The following STXBP5L variants were observed in gnomAD, a reference collection of about 807,000 sequenced individuals.
The protein encoded by STXBP5L is syntaxin-binding protein 5-like.
Under a neutral mutation model 144.5 loss-of-function variants are expected in STXBP5L, and 65 were observed. That is an observed-to-expected ratio of 0.45 (90% CI 0.37 to 0.55). STXBP5L has a LOEUF of 0.55. Ranked by LOEUF, STXBP5L falls within the 20% of genes least tolerant of loss-of-function variation. The probability of loss-of-function intolerance (pLI) is 0.00; values close to 1 mark genes in which losing one functional copy is unlikely to be tolerated. For synonymous variants in STXBP5L, 505 were observed against 469.6 expected, an observed-to-expected ratio of 1.08 and a Z score of -0.97; for missense variants, 1,298 against 1,405.5, an observed-to-expected ratio of 0.92 and a Z score of 1.22.
At chr3:121,192,421 C>T (rs961559225) in intron 9 of STXBP5L, among the ~76,000 whole-genome samples, 5 of 152,118 alleles carry the variant, frequency 3.3e-5, no homozygotes, top group East Asian at 3.9e-4. Flanking sequence ...GATTCAATGC[C>T]GTCTCCATCA....
chr3:120,908,796 C>T lies in STXBP5L; in HGVS notation c.-9+462C>T, dbSNP rs1408959772. Among the ~76,000 whole-genome samples, 3 of 141,754 alleles carry T rather than the reference C, an allele frequency of 2.1e-5. No homozygotes were observed. The East Asian group carries it at 6.3e-4, about 30-fold the overall frequency. 93.0% of individuals were successfully genotyped at this position (141,754 alleles called of 152,430 possible). On this transcript the variant is annotated intron_variant, in intron 1 of 26. Transcript: ENST00000471454. ...GGGAGAGCGCGGCGGCGGCTGCGGG[C>T]AGAGGTGGAGGGAGGGGAGCAGGAG...
chr3:120,981,284 CCCT>C (rs1221080994), intron 3 of STXBP5L, among the ~76,000 whole-genome samples: 2 of 152,044 alleles, frequency 1.3e-5, no homozygotes, highest in Non-Finnish European at 2.9e-5. Context: ...CTAAATTATT[CCCT>C]CAATTTTTTT....
chr3:121,283,891 GTGCT>G (rs753112346), intron 19 of STXBP5L, among the ~76,000 whole-genome samples: 5,672 of 131,170 alleles, frequency 0.043, 312 homozygotes, highest in Admixed American at 0.18. Context: ...ATTTGTGTGT[GTGCT>G]TGTGTGTGTG....
chr3:121,015,387 A>G (rs1293761257), intron 3 of STXBP5L, among the ~76,000 whole-genome samples: 1 of 152,192 alleles, frequency 6.6e-6, no homozygotes, highest in Non-Finnish European at 1.5e-5. Context: ...GACCTATTAG[A>G]GAACTGAGAT....
intron 2 of STXBP5L, among the ~76,000 whole-genome samples, chr3:120,925,642 A>G (rs1030099042): frequency 3.9e-5 from 6 of 152,322 alleles, no homozygotes; most frequent in African/African-American, 1.2e-4. Flanking sequence ...TACATTCAAG[A>G]TAATTATTGA....
chr3:121,315,555 G>A (rs1206499133), intron 19 of STXBP5L, among the ~76,000 whole-genome samples: 1 of 151,660 alleles, frequency 6.6e-6, no homozygotes, highest in Non-Finnish European at 1.5e-5. Context: ...AATGGGTGCA[G>A]CATACCAGCA....
At chr3:121,103,456 A>G (rs1351205557) in intron 5 of STXBP5L, among the ~76,000 whole-genome samples, 1 of 152,166 alleles carries the variant, frequency 6.6e-6, no homozygotes, top group Non-Finnish European at 1.5e-5. Flanking sequence ...CAAACAACAC[A>G]TGTTCTCAAG....
At chr3:121,289,265 A>G (rs1175729574) in intron 19 of STXBP5L, among the ~76,000 whole-genome samples, 1 of 152,186 alleles carries the variant, frequency 6.6e-6, no homozygotes, top group Non-Finnish European at 1.5e-5. Flanking sequence ...ATGAAGGGAC[A>G]TTGTTTAAAG....
intron 14 of STXBP5L, among the ~76,000 whole-genome samples, chr3:121,249,438 A>G (rs1408795505): frequency 6.6e-6 from 1 of 152,100 alleles, no homozygotes; most frequent in African/African-American, 2.4e-5. Context: ...GTTAGATTTT[A>G]TCTATTTCTT....
intron 19 of STXBP5L, among the ~76,000 whole-genome samples, chr3:121,291,595 G>A (rs920124070): frequency 4.6e-5 from 7 of 152,130 alleles, no homozygotes; most frequent in Admixed American, 3.3e-4. Flanking sequence ...AGCCCACATT[G>A]TCAAAGCAAG....
chr3:121,326,835 A>G (rs1272423282), intron 20 of STXBP5L, among the ~76,000 whole-genome samples: 1 of 152,136 alleles, frequency 6.6e-6, no homozygotes, highest in Non-Finnish European at 1.5e-5. Context: ...CCCTTTGACC[A>G]TTCTGGACTT....
intron 9 of STXBP5L, among the ~76,000 whole-genome samples, chr3:121,192,363 GA>G (rs1391394976): frequency 6.6e-6 from 1 of 152,110 alleles, no homozygotes; most frequent in Non-Finnish European, 1.5e-5. Flanking sequence ...TCATGGATAG[GA>G]AGAATCAATA....
intron 18 of STXBP5L, among the ~76,000 whole-genome samples, chr3:121,263,224 G>C (rs2050443045): frequency 1.3e-5 from 2 of 152,182 alleles, no homozygotes; most frequent in Admixed American, 1.3e-4. Context: ...CTGCAGCAGA[G>C]GGACCTGACT....
chr3:121,320,578 A>T (rs533571921), intron 20 of STXBP5L, among the ~76,000 whole-genome samples: 1 of 152,006 alleles, frequency 6.6e-6, no homozygotes, highest in South Asian at 2.1e-4. Flanking sequence ...CTCATAATTA[A>T]TTATTATAAT....
chr3:121,365,106 T>C (rs1295186287), intron 20 of STXBP5L, among the ~76,000 whole-genome samples: 1 of 151,938 alleles, frequency 6.6e-6, no homozygotes, highest in Non-Finnish European at 1.5e-5. Context: ...TCCAGAAATA[T>C]ATTCCACTTG....
Position 121,367,595 on chromosome 3 carries a change from GTTTTTTTTTTTTTTT to G in STXBP5L, c.2177-11108_2177-11094del, listed in dbSNP as rs57288480. Among the ~76,000 whole-genome samples the G allele has an allele frequency of 8.3e-3, 427 of 51,376 alleles. 7 individuals carry two copies. The highest frequency in any genetic ancestry group is 0.032 in the African/African-American group (405 of 12,816). 33.7% of individuals were successfully genotyped at this position (51,376 alleles called of 152,430 possible). The stretch of plus-strand genomic sequence containing the variant: ...GGTTCTCTCTTTGTCTTCGACTCTT[GTTTTTTTTTTTTTTT>G]TTTTTTTTTTTTAAACAGGTTCTCA... On this transcript the variant is annotated intron_variant, in intron 20 of 26. Transcript: ENST00000471454.
intron 19 of STXBP5L, among the ~76,000 whole-genome samples, chr3:121,304,182 G>T (rs1405595623): frequency 6.6e-6 from 1 of 152,100 alleles, no homozygotes; most frequent in Non-Finnish European, 1.5e-5. Flanking sequence ...TGACCAGAAT[G>T]ATATAAAAAT....
At chr3:121,157,998 ATACTACTT>A (rs757162410) in intron 9 of STXBP5L, 158 of 168,364 alleles carry the variant, frequency 9.4e-4, no homozygotes, top group Non-Finnish European at 1.6e-3. Context: ...GTTAATTCCT[ATACTACTT>A]TATAGTCTGT....
chr3:120,976,623 T>G (rs569996355), intron 3 of STXBP5L, among the ~76,000 whole-genome samples: 18 of 152,244 alleles, frequency 1.2e-4, no homozygotes, highest in Admixed American at 4.6e-4. Context: ...TCTAGTTCTT[T>G]TAATTGTGAT....
Sources: allele counts gnomAD v4.1 joint callset (sites outside exome capture counted in the v4.1 genomes callset), GRCh38; gene constraint gnomAD v4.1.1; transcripts MANE v1.5; gene names NCBI Gene and HGNC (gene_info 2026-07-23, HGNC 2026-07-21).